SPMIP11: variants seen among roughly 807,000 people sequenced by gnomAD.
SPMIP11 encodes sperm microtubule inner protein 11.
the SPMIP11 span, among the ~76,000 whole-genome samples, chr12:48,745,391 G>A: frequency 6.6e-6 from 1 of 151,928 alleles, no homozygotes; most frequent in East Asian, 1.9e-4. Flanking sequence ...GTTCATTTGA[G>A]GTCAGGAGTT....
the SPMIP11 span, among the ~76,000 whole-genome samples, chr12:48,740,879 T>A: frequency 6.6e-6 from 1 of 151,790 alleles, no homozygotes; most frequent in Non-Finnish European, 1.5e-5. Flanking sequence ...AGAGTGAGAC[T>A]CTATCTTAAA....
chr12:48,759,324 G>GA, the SPMIP11 span: 1 of 702,928 alleles, frequency 1.4e-6, no homozygotes, highest in Non-Finnish European at 2.6e-6. Context: ...AGGTGTTGTT[G>GA]AAGACGTGTA....
At chr12:48,770,734 G>A in the SPMIP11 span, 1 of 1,604,846 alleles carries the variant, frequency 6.2e-7, no homozygotes. Context: ...AAAAGTCCTG[G>A]GAAAACCCGC....
At chr12:48,747,184 G>A in the SPMIP11 span, among the ~76,000 whole-genome samples, 7 of 151,944 alleles carry the variant, frequency 4.6e-5, no homozygotes, top group Admixed American at 1.3e-4. Flanking sequence ...GAGAGGCAGG[G>A]TCTCCTTATG....
the SPMIP11 span, among the ~76,000 whole-genome samples, chr12:48,743,933 C>CAAAAA: frequency 1.8e-3 from 64 of 34,888 alleles, 1 homozygote; most frequent in African/African-American, 6.3e-3. Flanking sequence ...GACTTCGTCT[C>CAAAAA]AAAAAAAAAA....
chr12:48,770,928 T>C, the SPMIP11 span: 1 of 1,614,030 alleles, frequency 6.2e-7, no homozygotes, highest in Non-Finnish European at 8.5e-7. Context: ...CTACCAATCG[T>C]CTTGATCTTT....
At chr12:48,733,072 C>CCT in the SPMIP11 span, among the ~76,000 whole-genome samples, 2 of 110,854 alleles carry the variant, frequency 1.8e-5, no homozygotes, top group Non-Finnish European at 3.5e-5. Context: ...ACAAGTTAAT[C>CCT]TTTTTTTTTT....
the SPMIP11 span, among the ~76,000 whole-genome samples, chr12:48,734,873 C>T: frequency 4.0e-5 from 6 of 151,638 alleles, no homozygotes; most frequent in African/African-American, 7.3e-5. Flanking sequence ...GGTGCGGTGG[C>T]GGGCGGCTGT....
At chr12:48,765,043 T>C in the SPMIP11 span, 2 of 675,922 alleles carry the variant, frequency 3.0e-6, no homozygotes, top group Non-Finnish European at 5.4e-6. Flanking sequence ...AAGTACTCCT[T>C]CCCTTCACTT....
the SPMIP11 span, among the ~76,000 whole-genome samples, chr12:48,739,758 G>A: frequency 6.6e-6 from 1 of 152,114 alleles, no homozygotes; most frequent in African/African-American, 2.4e-5. Flanking sequence ...TGGGAAATCT[G>A]ACCCCATGAT....
the SPMIP11 span, among the ~76,000 whole-genome samples, chr12:48,753,575 C>G: frequency 2.0e-5 from 3 of 152,120 alleles, no homozygotes; most frequent in Non-Finnish European, 2.9e-5. Flanking sequence ...CTCCTAGTCT[C>G]CTTGCCTCTC....
chr12:48,760,843 G>T, the SPMIP11 span, among the ~76,000 whole-genome samples: 1 of 152,178 alleles, frequency 6.6e-6, no homozygotes, highest in Non-Finnish European at 1.5e-5. Context: ...TGGTTTAAAG[G>T]CAGGATGTTG....
the SPMIP11 span, among the ~76,000 whole-genome samples, chr12:48,755,966 C>T: frequency 6.7e-6 from 1 of 149,988 alleles, no homozygotes; most frequent in Non-Finnish European, 1.5e-5. Flanking sequence ...CAAGCTCGGC[C>T]TCCTGGGTTC....
the SPMIP11 span, among the ~76,000 whole-genome samples, chr12:48,741,112 T>C: frequency 6.6e-5 from 10 of 150,614 alleles, no homozygotes; most frequent in Non-Finnish European, 1.3e-4. Flanking sequence ...TTGCTCTTGT[T>C]GCCCAGGCAT....
chr12:48,739,550 G>A, the SPMIP11 span, among the ~76,000 whole-genome samples: 2 of 152,112 alleles, frequency 1.3e-5, no homozygotes, highest in Non-Finnish European at 2.9e-5. Flanking sequence ...CTGTCCCATG[G>A]TTCTACAGGC....
the SPMIP11 span, among the ~76,000 whole-genome samples, chr12:48,756,771 C>CTTTTTTTTTTTT: frequency 9.2e-6 from 1 of 108,648 alleles, no homozygotes; most frequent in Admixed American, 8.6e-5. Flanking sequence ...ATTTTTTTTT[C>CTTTTTTTTTTTT]TTTTTTTCTT....
At chr12:48,768,414 T>G in the SPMIP11 span, 78 of 870,774 alleles carry the variant, frequency 9.0e-5, no homozygotes, top group East Asian at 1.7e-3. Flanking sequence ...GGTAGCCCCT[T>G]GTTTTCCAGC....
chr12:48,756,771 C>CTTTCTTTTTTTTTTTTTTTTTTTTT, the SPMIP11 span, among the ~76,000 whole-genome samples: 1 of 108,648 alleles, frequency 9.2e-6, no homozygotes, highest in Non-Finnish European at 2.4e-5. Flanking sequence ...ATTTTTTTTT[C>CTTTCTTTTTTTTTTTTTTTTTTTTT]TTTTTTTCTT....
the SPMIP11 span, among the ~76,000 whole-genome samples, chr12:48,756,048 T>G: frequency 1.3e-5 from 2 of 151,774 alleles, no homozygotes; most frequent in African/African-American, 4.8e-5. Context: ...TGGCTAATTT[T>G]TTTTTTTTGT....
Sources: gnomAD v4.1 joint callset for allele counts (sites outside exome capture counted in the v4.1 genomes callset) on GRCh38, gnomAD v4.1.1 for gene constraint, MANE v1.5 for transcripts, NCBI Gene and HGNC (gene_info 2026-07-23, HGNC 2026-07-21) for gene names.